Variants in RGS7 observed in about 807,000 individuals in gnomAD.
The protein encoded by RGS7 is regulator of G-protein signaling 7.
In RGS7, 27 loss-of-function variants were observed where a neutral mutation model predicts 81.1. The ratio of observed to expected loss-of-function variants is 0.33; its 90% CI spans 0.25 to 0.46. RGS7 has a LOEUF of 0.46. RGS7 is among the 20% of genes least tolerant of loss of function. The pLI, the probability that RGS7 is intolerant of heterozygous loss-of-function variation, is 1.00. For synonymous variants in RGS7, 208 were observed against 207.7 expected (o/e 1.00, Z -0.01); for missense variants, 396 against 607.4 (o/e 0.65, Z 3.66).
At chr1:240,787,834 A>G (rs1411802761) in intron 18 of RGS7, among the ~76,000 whole-genome samples, 1 of 152,212 alleles carries the variant, frequency 6.6e-6, no homozygotes, top group African/African-American at 2.4e-5. Flanking sequence ...TAATCTCAGC[A>G]CATGAGAAAA....
At chr1:241,276,162 TC>T (rs2078185030) in intron 2 of RGS7, among the ~76,000 whole-genome samples, 1 of 152,198 alleles carries the variant, frequency 6.6e-6, no homozygotes, top group Non-Finnish European at 1.5e-5. Context: ...GTGAGCTTTG[TC>T]CTAAAGAACC....
chr1:240,888,310 A>G (rs1046875994), intron 6 of RGS7, among the ~76,000 whole-genome samples: 2 of 152,166 alleles, frequency 1.3e-5, no homozygotes, highest in Admixed American at 1.3e-4. Context: ...GAATCCTAAA[A>G]CAGTAAAGGG....
At chr1:241,061,670 C>T (rs1558660862) in intron 3 of RGS7, among the ~76,000 whole-genome samples, 1 of 152,138 alleles carries the variant, frequency 6.6e-6, no homozygotes, top group Non-Finnish European at 1.5e-5. Flanking sequence ...GAGAAGGCAG[C>T]GTCAAAAGGA....
At chr1:241,055,979 T>C (rs1252815774) in intron 3 of RGS7, among the ~76,000 whole-genome samples, 2 of 152,224 alleles carry the variant, frequency 1.3e-5, no homozygotes, top group African/African-American at 2.4e-5. Context: ...AGTTAGGCTA[T>C]GTGTGTATTT....
At chr1:241,312,351 G>A (rs1315136540) in intron 2 of RGS7, among the ~76,000 whole-genome samples, 1 of 152,148 alleles carries the variant, frequency 6.6e-6, no homozygotes, top group African/African-American at 2.4e-5. Flanking sequence ...GCACTTTGTA[G>A]ATATTGCATT....
At chr1:240,853,986 A>G (rs1660626806) in intron 9 of RGS7, among the ~76,000 whole-genome samples, 1 of 151,864 alleles carries the variant, frequency 6.6e-6, no homozygotes, top group South Asian at 2.1e-4. Context: ...ATTACGAAAC[A>G]TACAAAAAAC....
chr1:241,114,082 C>T (rs2065720498), intron 2 of RGS7, among the ~76,000 whole-genome samples: 1 of 152,146 alleles, frequency 6.6e-6, no homozygotes, highest in Admixed American at 6.6e-5. Context: ...GGCTAGACCA[C>T]ATATGAGCAC....
intron 5 of RGS7, among the ~76,000 whole-genome samples, chr1:240,934,008 G>A (rs1676159548): frequency 6.6e-6 from 1 of 152,064 alleles, no homozygotes; most frequent in African/African-American, 2.4e-5. Context: ...CTGTCACCCA[G>A]GCTGGAGTGC....
intron 18 of RGS7, among the ~76,000 whole-genome samples, chr1:240,785,678 T>TG (rs1420326208): frequency 6.6e-6 from 1 of 152,038 alleles, no homozygotes; most frequent in African/African-American, 2.4e-5. Flanking sequence ...GAGAGAGGGA[T>TG]GGGGGTCACT....
chr1:240,811,685 T>C (rs913318517), intron 14 of RGS7, among the ~76,000 whole-genome samples: 14 of 152,214 alleles, frequency 9.2e-5, no homozygotes, highest in African/African-American at 2.4e-5. Context: ...ATTTGTATAG[T>C]TAAAACATCT....
intron 6 of RGS7, among the ~76,000 whole-genome samples, chr1:240,914,676 C>T (rs1572736331): frequency 1.3e-5 from 2 of 152,252 alleles, no homozygotes; most frequent in East Asian, 3.9e-4. Flanking sequence ...CCTTCTTTCC[C>T]TTGCAAACAT....
chr1:240,948,377 T>C (rs546532754), intron 4 of RGS7, among the ~76,000 whole-genome samples: 6 of 152,320 alleles, frequency 3.9e-5, no homozygotes, highest in Admixed American at 2.0e-4. Flanking sequence ...CATTAGTTCA[T>C]AGCACAAATT....
chr1:240,832,775 G>T (rs1253375939), intron 9 of RGS7, among the ~76,000 whole-genome samples: 1 of 152,054 alleles, frequency 6.6e-6, no homozygotes, highest in East Asian at 1.9e-4. Context: ...GTGAGTGGAG[G>T]ATTAGAAATG....
chr1:241,038,984 A>T (rs1241987196), intron 3 of RGS7, among the ~76,000 whole-genome samples: 1 of 152,132 alleles, frequency 6.6e-6, no homozygotes, highest in African/African-American at 2.4e-5. Context: ...TAGAAAGAAA[A>T]AAAAGAAAAG....
At chr1:241,181,023 A>G (rs1174635115) in intron 2 of RGS7, among the ~76,000 whole-genome samples, 1 of 152,238 alleles carries the variant, frequency 6.6e-6, no homozygotes, top group Non-Finnish European at 1.5e-5. Context: ...TGGAGACAAT[A>G]AAATGATTAG....
intron 3 of RGS7, among the ~76,000 whole-genome samples, chr1:241,029,097 T>C (rs1572350174): frequency 6.6e-6 from 1 of 151,792 alleles, no homozygotes; most frequent in South Asian, 2.1e-4. Flanking sequence ...GCTGGCTCGG[T>C]AGGGTTGTAG....
At chr1:241,235,636 T>C (rs60066729) in intron 2 of RGS7, among the ~76,000 whole-genome samples, 4 of 125,276 alleles carry the variant, frequency 3.2e-5, no homozygotes, top group South Asian at 2.8e-4. Context: ...CTCTCTTTTT[T>C]CTTTTTTCTC....
intron 3 of RGS7, among the ~76,000 whole-genome samples, chr1:241,022,011 C>T (rs1164629856): frequency 6.6e-6 from 1 of 152,174 alleles, no homozygotes; most frequent in Non-Finnish European, 1.5e-5. Flanking sequence ...GCATGTTTAG[C>T]TGTGCGGTTA....
intron 2 of RGS7, among the ~76,000 whole-genome samples, chr1:241,162,222 G>GCGCCCCCCCCCCTGCCCC (rs68166816): frequency 2.1e-5 from 3 of 142,028 alleles, no homozygotes; most frequent in African/African-American, 5.3e-5. Flanking sequence ...CTGGTGATCA[G>GCGCCCCCCCCCCTGCCCC]CTTCCAAATA....
Sources: gnomAD v4.1 joint callset for allele counts (sites outside exome capture counted in the v4.1 genomes callset) on GRCh38, gnomAD v4.1.1 for gene constraint, MANE v1.5 for transcripts, NCBI Gene and HGNC (gene_info 2026-07-23, HGNC 2026-07-21) for gene names.